ATF1: variants seen among roughly 807,000 people sequenced by gnomAD.
ATF1 encodes the protein activating transcription factor 1.
Under a neutral mutation model 34.7 loss-of-function variants are expected in ATF1, and 16 were observed. The observed-to-expected ratio is 0.46, with a 90% CI of 0.31 to 0.70. The LOEUF is 0.70. Ranked by LOEUF, ATF1 falls within the 30% of genes least tolerant of loss-of-function variation. The pLI, the probability that ATF1 is intolerant of heterozygous loss-of-function variation, is 0.05. For synonymous variants in ATF1, 105 were observed against 113.1 expected (o/e 0.93, Z 0.46); for missense variants, 255 against 321.6 (o/e 0.79, Z 1.58).
At chr12:50,780,007 T>TCTATCTCTATACCATTG (rs1273168158) in intron 1 of ATF1, 133 bp from the exon 2 acceptor site, 1 of 535,860 alleles carries the variant, frequency 1.9e-6, no homozygotes, top group South Asian at 5.0e-5. Context: ...CAGTCCCCTT[T>TCTATCTCTATACCATTG]CTATCTCTAT....
At chr12:50,779,418 A>C (rs1565902626) in intron 1 of ATF1, among the ~76,000 whole-genome samples, 3 of 152,262 alleles carry the variant, frequency 2.0e-5, no homozygotes, top group Non-Finnish European at 4.4e-5. Flanking sequence ...GCCAACACTT[A>C]GTATTTTCTG....
At chr12:50,782,221 G>A (rs571549268) in intron 2 of ATF1, among the ~76,000 whole-genome samples, 2 of 144,694 alleles carry the variant, frequency 1.4e-5, no homozygotes, top group Non-Finnish European at 3.1e-5. Flanking sequence ...GATTTCAGCT[G>A]TTTTCTTTTT....
At chr12:50,816,015 A>T (rs1370652575) in intron 6 of ATF1, among the ~76,000 whole-genome samples, 1 of 152,194 alleles carries the variant, frequency 6.6e-6, no homozygotes, top group African/African-American at 2.4e-5. Context: ...TGGGAGCTAA[A>T]ATATTTGAAC....
At chr12:50,813,075 T>C (rs1420754072) in intron 4 of ATF1, among the ~76,000 whole-genome samples, 2 of 152,166 alleles carry the variant, frequency 1.3e-5, no homozygotes, top group Non-Finnish European at 1.5e-5. Context: ...GAAGAGTATA[T>C]GGGAATTGAA....
chr12:50,764,561 C>G (rs1404811378), intron 1 of ATF1: 1 of 152,580 alleles, frequency 6.6e-6, no homozygotes, highest in Non-Finnish European at 1.5e-5. Context: ...AAAAGTAAAG[C>G]CCGAAACCGC....
chr12:50,772,921 C>T (rs575261012), intron 1 of ATF1, among the ~76,000 whole-genome samples: 8 of 152,240 alleles, frequency 5.3e-5, no homozygotes, highest in East Asian at 1.9e-4. Flanking sequence ...CTTCCCCCAC[C>T]GCACCCTCCT....
chr12:50,781,704 G>C (rs1460983393), intron 2 of ATF1, among the ~76,000 whole-genome samples: 6 of 152,048 alleles, frequency 3.9e-5, no homozygotes, highest in Admixed American at 1.3e-4. Context: ...ACCCACCTCA[G>C]CCTCCCAAAA....
At chr12:50,785,060 G>A (rs1941154523) in intron 2 of ATF1, among the ~76,000 whole-genome samples, 1 of 142,802 alleles carries the variant, frequency 7.0e-6, no homozygotes, top group African/African-American at 2.6e-5. Context: ...CCCGCTGGAT[G>A]TGGAGTTTTA....
At position 50,765,513 on chromosome 12, in the gene ATF1, T is replaced by TTTTG. The variant is rs144997003; in HGVS notation, c.-7+1226_-7+1229dup. On this transcript the variant is annotated intron_variant, in intron 1 of 6. Coordinates refer to ENST00000262053, the MANE Select transcript of ATF1 (RefSeq NM_005171.5). ...GCTATCTTTGCCAGTTTTTGTTTTG[T>TTTTG]TTTGTTTGTTTGTTTGTTTGTTTTT... Among the ~76,000 whole-genome samples the TTTTG allele has an allele frequency of 9.7e-4, 147 of 152,252 alleles. 3 individuals carry two copies. In the East Asian group the frequency reaches 0.011, roughly 11 times the overall value.
At chr12:50,780,494 G>A (rs1391086094) in intron 2 of ATF1, among the ~76,000 whole-genome samples, 1 of 151,666 alleles carries the variant, frequency 6.6e-6, no homozygotes, top group Non-Finnish European at 1.5e-5. Context: ...ACAGGCATCT[G>A]CCACCACGCC....
chr12:50,819,539 GAAAA>G (rs1273340379), intron 6 of ATF1, 92 bp from the exon 7 acceptor site: 1 of 1,397,190 alleles, frequency 7.2e-7, no homozygotes, highest in East Asian at 2.3e-5. Context: ...ACTTTAAAGA[GAAAA>G]AAAGGTGACC....
intron 6 of ATF1, among the ~76,000 whole-genome samples, chr12:50,816,962 T>A (rs1314937539): frequency 6.6e-6 from 1 of 152,192 alleles, no homozygotes; most frequent in African/African-American, 2.4e-5. Context: ...ATGCTACACA[T>A]TTAGATACCC....
chr12:50,789,256 C>CG (rs747008032), intron 2 of ATF1, among the ~76,000 whole-genome samples: 2 of 151,962 alleles, frequency 1.3e-5, no homozygotes, highest in Admixed American at 1.3e-4. Context: ...TTAGTAGAGA[C>CG]GGGGGTTTCG....
intron 1 of ATF1, among the ~76,000 whole-genome samples, chr12:50,774,461 C>T (rs1352324953): frequency 6.6e-6 from 1 of 152,152 alleles, no homozygotes; most frequent in Admixed American, 6.5e-5. Context: ...TTCACTACTC[C>T]CTTGTTTCTG....
intron 2 of ATF1, among the ~76,000 whole-genome samples, chr12:50,789,318 C>T (rs1007803232): frequency 6.6e-6 from 1 of 152,202 alleles, no homozygotes; most frequent in African/African-American, 2.4e-5. Flanking sequence ...ATCTGCCCAC[C>T]TCGGCCTCCC....
At chr12:50,769,626 C>G (rs1940723466) in intron 1 of ATF1, among the ~76,000 whole-genome samples, 1 of 152,088 alleles carries the variant, frequency 6.6e-6, no homozygotes, top group Admixed American at 6.6e-5. Flanking sequence ...TGGGAAACTC[C>G]TATAATTCTA....
At chr12:50,787,966 G>C (rs1941220047) in intron 2 of ATF1, among the ~76,000 whole-genome samples, 1 of 152,138 alleles carries the variant, frequency 6.6e-6, no homozygotes, top group Non-Finnish European at 1.5e-5. Context: ...GTGACTAGAT[G>C]GGATTACTGA....
intron 1 of ATF1, among the ~76,000 whole-genome samples, chr12:50,776,493 TAA>T (rs771176201): frequency 1.3e-3 from 153 of 116,816 alleles, no homozygotes; most frequent in Non-Finnish European, 2.2e-3. Flanking sequence ...ACCCTGTCTT[TAA>T]AAAAAAAAAA....
intron 6 of ATF1, among the ~76,000 whole-genome samples, chr12:50,817,349 G>A (rs1245556512): frequency 6.6e-6 from 1 of 151,228 alleles, no homozygotes; most frequent in East Asian, 1.9e-4. Flanking sequence ...TGTAATGACT[G>A]AATGAATAAT....
Sources: allele counts gnomAD v4.1 joint callset (sites outside exome capture counted in the v4.1 genomes callset), GRCh38; gene constraint gnomAD v4.1.1; transcripts MANE v1.5; gene names NCBI Gene and HGNC (gene_info 2026-07-23, HGNC 2026-07-21).